CADM2: variants seen among roughly 807,000 people sequenced by gnomAD.
The protein encoded by CADM2 is immunoglobulin superfamily member 4D.
Under a neutral mutation model 49.8 loss-of-function variants are expected in CADM2, and 12 were observed. The ratio of observed to expected loss-of-function variants is 0.24; its 90% CI spans 0.15 to 0.39. CADM2 has a LOEUF of 0.39. Ranked by LOEUF, CADM2 falls within the 10% of genes least tolerant of loss-of-function variation. The probability of loss-of-function intolerance (pLI) is 1.00; values close to 1 mark genes in which losing one functional copy is unlikely to be tolerated. For synonymous variants in CADM2, 214 were observed against 175.4 expected, an observed-to-expected ratio of 1.22 and a Z score of -1.74; for missense variants, 378 against 492.3, an observed-to-expected ratio of 0.77 and a Z score of 2.20.
chr3:85,567,700 G>A (rs765652466), intron 1 of CADM2, among the ~76,000 whole-genome samples: 2 of 152,094 alleles, frequency 1.3e-5, no homozygotes, highest in Non-Finnish European at 2.9e-5. Context: ...TAGGAAAATT[G>A]GCTCACACAA....
intron 8 of CADM2, among the ~76,000 whole-genome samples, chr3:85,968,996 T>C (rs1280693123): frequency 6.6e-6 from 1 of 151,628 alleles, no homozygotes; most frequent in African/African-American, 2.4e-5. Context: ...TTCTCTCCAA[T>C]TCATCACGAA....
intron 1 of CADM2, among the ~76,000 whole-genome samples, chr3:85,295,689 A>T (rs1163064745): frequency 6.6e-6 from 1 of 152,018 alleles, no homozygotes; most frequent in Non-Finnish European, 1.5e-5. Context: ...CTATCGCAAG[A>T]ACAAAAAACC....
chr3:85,961,363 G>C lies in CADM2; in HGVS notation c.792-106G>C, dbSNP rs533687349. 9.2e-5 allele frequency: 86 copies of C among 935,494 alleles called. No homozygotes were observed. The South Asian group carries it at 1.7e-3, about 18-fold the overall frequency. 57.9% of individuals were successfully genotyped at this position (935,494 alleles called of 1,614,324 possible). On this transcript the variant is annotated intron_variant, in intron 7 of 9. Transcript: ENST00000383699. Reference sequence around the variant, plus strand: ...GGTATCTTATAGAAGTTAGCATATGGTTGTGTACAAAATACATGTTAAATA... The same window carrying C: ...GGTATCTTATAGAAGTTAGCATATGCTTGTGTACAAAATACATGTTAAATA...
chr3:85,406,114 C>T (rs1352890445), intron 1 of CADM2, among the ~76,000 whole-genome samples: 1 of 151,780 alleles, frequency 6.6e-6, no homozygotes, highest in Non-Finnish European at 1.5e-5. Flanking sequence ...GTTTTAGAGA[C>T]CAACCAATAG....
At chr3:85,119,151 G>A (rs1013584921) in intron 1 of CADM2, among the ~76,000 whole-genome samples, 12 of 152,096 alleles carry the variant, frequency 7.9e-5, no homozygotes, top group African/African-American at 2.7e-4. Context: ...GGTGGCTCAC[G>A]CCTGTAATCC....
At chr3:85,726,498 T>G in intron 1 of CADM2, 24 bp from the exon 2 acceptor site, 1 of 1,611,962 alleles carries the variant, frequency 6.2e-7, no homozygotes. Context: ...GTTCTCTTCT[T>G]GTGCAACCTT....
chr3:85,199,453 T>C (rs1192189521), intron 1 of CADM2, among the ~76,000 whole-genome samples: 1 of 146,250 alleles, frequency 6.8e-6, no homozygotes, highest in East Asian at 2.0e-4. Context: ...GAGAAAATAA[T>C]TTTCATTAGT....
chr3:85,774,204 A>G (rs183998206), intron 2 of CADM2, among the ~76,000 whole-genome samples: 1 of 151,988 alleles, frequency 6.6e-6, no homozygotes, highest in East Asian at 1.9e-4. Context: ...TCTCTCAACA[A>G]ACAGTTGTAC....
At chr3:85,063,690 G>A (rs1036798613) in intron 1 of CADM2, among the ~76,000 whole-genome samples, 5 of 152,002 alleles carry the variant, frequency 3.3e-5, no homozygotes. Flanking sequence ...AATTGTGCTT[G>A]AAGTGGACTG....
chr3:85,966,510 C>T (rs911943277), intron 8 of CADM2, among the ~76,000 whole-genome samples: 4 of 151,564 alleles, frequency 2.6e-5, no homozygotes, highest in Admixed American at 6.6e-5. Context: ...CCTTTATTAT[C>T]TTAACTCTTG....
At chr3:85,934,192 G>A (rs912816697) in intron 6 of CADM2, among the ~76,000 whole-genome samples, 2 of 151,990 alleles carry the variant, frequency 1.3e-5, no homozygotes, top group Admixed American at 6.6e-5. Flanking sequence ...AATAAATGTT[G>A]CTATATGTAT....
At chr3:85,242,612 A>G (rs547480604) in intron 1 of CADM2, among the ~76,000 whole-genome samples, 68 of 151,926 alleles carry the variant, frequency 4.5e-4, no homozygotes, top group African/African-American at 1.6e-3. Flanking sequence ...CTGAAGATGT[A>G]ATTAATTTGT....
intron 8 of CADM2, among the ~76,000 whole-genome samples, chr3:85,989,717 A>T (rs1247715202): frequency 6.6e-6 from 1 of 152,106 alleles, no homozygotes; most frequent in African/African-American, 2.4e-5. Flanking sequence ...ACAAGTCTAT[A>T]ATAGAAAACT....
intron 1 of CADM2, among the ~76,000 whole-genome samples, chr3:85,268,065 T>C (rs979925844): frequency 2.0e-5 from 3 of 151,554 alleles, no homozygotes; most frequent in African/African-American, 4.8e-5. Flanking sequence ...ATGTTACCAA[T>C]GCATTTTATT....
At chr3:85,313,372 GT>G (rs1222849013) in intron 1 of CADM2, among the ~76,000 whole-genome samples, 6 of 152,172 alleles carry the variant, frequency 3.9e-5, no homozygotes, top group Admixed American at 1.3e-4. Context: ...TATTTGAAGT[GT>G]TGAAATGCTT....
intron 3 of CADM2, among the ~76,000 whole-genome samples, chr3:85,854,566 G>A (rs2075233549): frequency 6.6e-6 from 1 of 152,126 alleles, no homozygotes. Flanking sequence ...ACTCATAAGT[G>A]GGAGTTGAAC....
chr3:85,885,816 C>G (rs1713553763), intron 4 of CADM2, among the ~76,000 whole-genome samples: 1 of 142,518 alleles, frequency 7.0e-6, no homozygotes, highest in South Asian at 2.2e-4. Flanking sequence ...CGAGCCAGTC[C>G]ACTCCATCCT....
intron 1 of CADM2, among the ~76,000 whole-genome samples, chr3:85,285,378 C>T (rs1359444577): frequency 6.6e-6 from 1 of 152,000 alleles, no homozygotes; most frequent in Admixed American, 6.6e-5. Context: ...AATACCTAGG[C>T]ATATACAGAG....
At chr3:85,184,353 C>T (rs1348212250) in intron 1 of CADM2, among the ~76,000 whole-genome samples, 3 of 152,034 alleles carry the variant, frequency 2.0e-5, no homozygotes, top group Non-Finnish European at 2.9e-5. Flanking sequence ...TGTCCTAACA[C>T]CAGCATTTCT....
Sources: gnomAD v4.1 joint callset for allele counts (sites outside exome capture counted in the v4.1 genomes callset) on GRCh38, gnomAD v4.1.1 for gene constraint, MANE v1.5 for transcripts, NCBI Gene and HGNC (gene_info 2026-07-23, HGNC 2026-07-21) for gene names.